Variants in COL25A1 observed in about 807,000 individuals in gnomAD.
The protein encoded by COL25A1 is collagen type XXV alpha 1 chain.
COL25A1 carries 103 observed loss-of-function variants against 128.4 expected under a neutral mutation model. The observed-to-expected ratio is 0.80, with a 90% CI of 0.68 to 0.94. The LOEUF (loss-of-function observed/expected upper bound fraction) is 0.94, where lower values mean the gene tolerates loss of function less well. Among genes scored for constraint, COL25A1 ranks in the 40% least tolerant of loss-of-function variants. The pLI, the probability that COL25A1 is intolerant of heterozygous loss-of-function variation, is 0.00. For synonymous variants in COL25A1, 279 were observed against 277.2 expected (o/e 1.01, Z -0.06); for missense variants, 745 against 840.0 (o/e 0.89, Z 1.40).
chr4:109,047,248 G>C (rs1760510856), intron 5 of COL25A1, among the ~76,000 whole-genome samples: 1 of 152,160 alleles, frequency 6.6e-6, no homozygotes, highest in Non-Finnish European at 1.5e-5. Context: ...GATGAAAAAA[G>C]AAGTGTGAAA....
At chr4:108,857,570 A>T (rs901642719) in intron 24 of COL25A1, among the ~76,000 whole-genome samples, 27 of 128,076 alleles carry the variant, frequency 2.1e-4, no homozygotes, top group African/African-American at 6.5e-4. Flanking sequence ...AATAGATTTA[A>T]AAAAAAAAAA....
intron 5 of COL25A1, among the ~76,000 whole-genome samples, chr4:109,012,821 C>T (rs1481665075): frequency 6.6e-6 from 1 of 152,334 alleles, no homozygotes; most frequent in African/African-American, 2.4e-5. Flanking sequence ...TCCGCAGCAC[C>T]CAGTCCCATC....
intron 3 of COL25A1, among the ~76,000 whole-genome samples, chr4:109,107,109 CTTAGT>C (rs959565465): frequency 1.3e-5 from 2 of 152,012 alleles, no homozygotes; most frequent in Non-Finnish European, 2.9e-5. Context: ...TTTTTTTAAA[CTTAGT>C]TTAGTGTAAA....
At chr4:109,090,356 C>T (rs1764787007) in intron 3 of COL25A1, among the ~76,000 whole-genome samples, 2 of 151,942 alleles carry the variant, frequency 1.3e-5, no homozygotes, top group South Asian at 4.2e-4. Context: ...CTACCTTTTG[C>T]CTTCACATAA....
intron 11 of COL25A1, among the ~76,000 whole-genome samples, chr4:108,930,989 G>T (rs1746669995): frequency 6.6e-6 from 1 of 152,094 alleles, no homozygotes; most frequent in South Asian, 2.1e-4. Flanking sequence ...TGATAAGACA[G>T]ATCAATTATA....
intron 3 of COL25A1, among the ~76,000 whole-genome samples, chr4:109,121,781 G>C (rs1164604799): frequency 1.3e-5 from 2 of 151,990 alleles, no homozygotes; most frequent in Admixed American, 6.6e-5. Context: ...GATATTTACC[G>C]AAAGGAACCA....
intron 37 of COL25A1, among the ~76,000 whole-genome samples, chr4:108,815,336 C>T (rs1300721386): frequency 6.6e-6 from 1 of 151,778 alleles, no homozygotes; most frequent in African/African-American, 2.4e-5. Context: ...AAATAGGACT[C>T]ACTAAAAGCA....
chr4:108,884,221 C>A lies in COL25A1; in HGVS notation c.977G>T (p.Gly326Val). Residue 326 changes from glycine (G) to valine (V), a missense_variant and splice_region_variant, in exon 19 of 38, where the codon GGT becomes GTT. Around this residue, in one of 3 missense-constraint regions of COL25A1, gnomAD observed 387 missense variants for 441.9 expected, o/e 0.88. Transcript: ENST00000399132. ...PGESGRPGQK[G>V]EPGLPGLPGL... ...AGGAAGCCCAGGAAGCCCTGGTTCACCCTACACAGGAAAATCATATAGCAT... is the reference window on the plus strand; with the variant it reads ...AGGAAGCCCAGGAAGCCCTGGTTCAACCTACACAGGAAAATCATATAGCAT... 1.2e-6 allele frequency: 2 copies of A among 1,613,324 alleles called. No homozygotes were observed. Among genetic ancestry groups the A allele is most frequent in the Non-Finnish European group, 1.7e-6 (2 of 1,179,454 alleles).
chr4:109,186,811 G>C (rs1452543202), intron 3 of COL25A1, among the ~76,000 whole-genome samples: 1 of 152,186 alleles, frequency 6.6e-6, no homozygotes, highest in East Asian at 1.9e-4. Context: ...GAGTTCATTT[G>C]ATTAGAGAAT....
chr4:108,850,265 G>A (rs1255138203), intron 26 of COL25A1, among the ~76,000 whole-genome samples: 1 of 152,160 alleles, frequency 6.6e-6, no homozygotes, highest in Non-Finnish European at 1.5e-5. Context: ...AAATGAAGGA[G>A]AAATGCTAAT....
intron 3 of COL25A1, among the ~76,000 whole-genome samples, chr4:109,259,211 A>C (rs1314482030): frequency 6.6e-6 from 1 of 152,220 alleles, no homozygotes; most frequent in African/African-American, 2.4e-5. Context: ...ACATGCAAGT[A>C]GTTTCAATAG....
intron 3 of COL25A1, among the ~76,000 whole-genome samples, chr4:109,196,178 G>A (rs947064001): frequency 9.2e-5 from 14 of 152,150 alleles, no homozygotes; most frequent in Admixed American, 6.5e-4. Context: ...ACGGGGAGAC[G>A]AGACCTCAGG....
chr4:109,068,914 A>G (rs1406776263), intron 3 of COL25A1, among the ~76,000 whole-genome samples: 1 of 152,152 alleles, frequency 6.6e-6, no homozygotes, highest in Non-Finnish European at 1.5e-5. Context: ...GAAATATGTC[A>G]CATATTTACA....
At chr4:109,268,756 GC>G (rs1042595710) in intron 3 of COL25A1, among the ~76,000 whole-genome samples, 2 of 152,104 alleles carry the variant, frequency 1.3e-5, no homozygotes, top group Admixed American at 6.6e-5. Context: ...AGCAAAGCTA[GC>G]CCCAACGGTG....
At chr4:109,024,912 G>A (rs993034411) in intron 5 of COL25A1, among the ~76,000 whole-genome samples, 1 of 152,126 alleles carries the variant, frequency 6.6e-6, no homozygotes, top group Non-Finnish European at 1.5e-5. Flanking sequence ...TTGGAAGTAG[G>A]AATAAAGAAA....
At chr4:109,033,113 G>T (rs375104288) in intron 5 of COL25A1, among the ~76,000 whole-genome samples, 1 of 152,220 alleles carries the variant, frequency 6.6e-6, no homozygotes, top group East Asian at 1.9e-4. Flanking sequence ...TTGACAAATT[G>T]CAAACCTCAG....
intron 13 of COL25A1, among the ~76,000 whole-genome samples, chr4:108,908,316 T>G (rs951647093): frequency 1.3e-5 from 2 of 152,178 alleles, no homozygotes; most frequent in Non-Finnish European, 2.9e-5. Context: ...TTCATCTTAC[T>G]GGCTTCTCCT....
chr4:108,859,748 A>T lies in COL25A1; in HGVS notation c.1243-15T>A. On this transcript the variant is annotated splice_polypyrimidine_tract_variant and intron_variant, in intron 23 of 37. Transcript: ENST00000399132. ...CCAGGTGGACCCTATGACAAAACCA[A>T]TCAAGGGAAAATCATGGGTATTAGC... 6.2e-7 allele frequency: 1 copy of T among 1,608,044 alleles called. No individual in the cohort carries two copies. Among genetic ancestry groups the T allele is most frequent in the East Asian group, 2.2e-5 (1 of 44,834 alleles).
intron 5 of COL25A1, among the ~76,000 whole-genome samples, chr4:109,012,861 C>T (rs1470987867): frequency 3.9e-5 from 6 of 152,186 alleles, no homozygotes; most frequent in Non-Finnish European, 8.8e-5. Context: ...AGTGCAGGCG[C>T]GTGGCATGGA....
Sources: allele counts gnomAD v4.1 joint callset (sites outside exome capture counted in the v4.1 genomes callset), GRCh38; gene constraint gnomAD v4.1.1; regional missense constraint gnomAD v4.1.1; transcripts MANE v1.5; gene names NCBI Gene and HGNC (gene_info 2026-07-23, HGNC 2026-07-21).